The following RPUSD3 variants were observed in gnomAD, a reference collection of about 807,000 sequenced individuals.
RPUSD3 encodes mitochondrial mRNA pseudouridine synthase RPUSD3.
Under a neutral mutation model 35.1 loss-of-function variants are expected in RPUSD3, and 36 were observed. The ratio of observed to expected loss-of-function variants is 1.02; its 90% CI spans 0.79 to 1.35. RPUSD3 has a LOEUF of 1.35. Ranked by LOEUF, RPUSD3 falls within the 40% of genes most tolerant of loss-of-function variation. The probability of loss-of-function intolerance (pLI) is 0.00; values close to 1 mark genes in which losing one functional copy is unlikely to be tolerated. For synonymous variants in RPUSD3, 202 were observed against 187.8 expected, an observed-to-expected ratio of 1.08 and a Z score of -0.62; for missense variants, 486 against 441.9, an observed-to-expected ratio of 1.10 and a Z score of -0.89.
chr3:9,840,389 G>C, intron 6 of RPUSD3, 82 bp from the exon 7 acceptor site: 1 of 1,612,402 alleles, frequency 6.2e-7, no homozygotes, highest in Non-Finnish European at 8.5e-7. Flanking sequence ...AATAGACTCC[G>C]GGCAGGGCCA....
chr3:9,839,886 G>GT (rs113216240), intron 7 of RPUSD3: 16,296 of 189,916 alleles, frequency 0.086, 152 homozygotes, highest in South Asian at 0.15. Context: ...CTCAAGTGCA[G>GT]TTTTTTTTTT....
chr3:9,840,466 C>G, intron 6 of RPUSD3, 66 bp downstream of exon 6: 1 of 1,596,560 alleles, frequency 6.3e-7, no homozygotes, highest in African/African-American at 1.3e-5. Flanking sequence ...AATCCATACC[C>G]CTGACTCCTC....
chr3:9,843,387 G>A, intron 2 of RPUSD3, 78 bp downstream of exon 2: 1 of 1,582,394 alleles, frequency 6.3e-7, no homozygotes, highest in Non-Finnish European at 8.6e-7. Context: ...CTGATCCCGT[G>A]GCTTCAATGG....
exon 8 of RPUSD3, chr3:9,839,129 C>T (rs376526292): frequency 1.4e-5 from 22 of 1,613,974 alleles, no homozygotes; most frequent in African/African-American, 6.7e-5. Flanking sequence ...AAGCACAGGG[C>T]AGAGCTGTAG....
At chr3:9,843,421 A>G (rs375999693) in intron 2 of RPUSD3, 44 bp downstream of exon 2, 1 of 1,608,900 alleles carries the variant, frequency 6.2e-7, no homozygotes, top group South Asian at 1.1e-5. Context: ...ACGCCGAGGC[A>G]GTCCCCTCCC....
chr3:9,839,948 T>C (rs1337064751), intron 7 of RPUSD3: 9 of 437,824 alleles, frequency 2.1e-5, no homozygotes, highest in Non-Finnish European at 3.7e-5. Context: ...TGGCATGATC[T>C]TGGCTCATTG....
chr3:9,841,721 G>A, intron 4 of RPUSD3: 1 of 320,670 alleles, frequency 3.1e-6, no homozygotes, highest in South Asian at 6.0e-5. Flanking sequence ...CTCTTGCCTT[G>A]GCCTCCAGAA....
chr3:9,842,153 G>A (rs371693476), intron 3 of RPUSD3, 46 bp downstream of exon 3: 90 of 1,613,122 alleles, frequency 5.6e-5, no homozygotes, highest in Admixed American at 8.3e-5. Flanking sequence ...CCTCAGTCAC[G>A]AAACCCCCTT....
exon 1 of RPUSD3, chr3:9,843,891 G>T: frequency 6.2e-7 from 1 of 1,603,048 alleles, no homozygotes. Flanking sequence ...CTTAATCACC[G>T]GGCTTCGGTG....
At position 9,840,175 on chromosome 3, in the gene RPUSD3, C is replaced by T; in HGVS notation, c.724+9G>A. ...CAGTTTTAAAGGCTGGCTAGGGTGC[C>T]AGACCTACCTGTCAGTGGCTGCAGC... is the stretch of plus-strand genomic sequence containing the variant. On this transcript the variant is annotated intron_variant, in intron 7 of 8. Coordinates refer to ENST00000383820, the Ensembl canonical transcript of RPUSD3. 1 of 1,610,834 alleles carries T rather than the reference C, an allele frequency of 6.2e-7. No individual in the cohort carries two copies. Among genetic ancestry groups the T allele is most frequent in the Non-Finnish European group, 8.5e-7 (1 of 1,178,490 alleles).
intron 7 of RPUSD3, 21 bp from the exon 8 acceptor site, chr3:9,839,192 G>A (rs1235552065): frequency 1.3e-6 from 2 of 1,594,718 alleles, no homozygotes; most frequent in Non-Finnish European, 1.7e-6. Flanking sequence ...GGAAAGCCAG[G>A]AGAGACAGTG....
chr3:9,839,240 C>A, intron 7 of RPUSD3, 69 bp from the exon 8 acceptor site: 1 of 1,539,630 alleles, frequency 6.5e-7, no homozygotes, highest in Non-Finnish European at 8.8e-7. Flanking sequence ...TATCACTCCT[C>A]CCCTTTTCCT....
chr3:9,841,915 C>G, intron 4 of RPUSD3, 68 bp downstream of exon 4: 1 of 1,290,078 alleles, frequency 7.8e-7, no homozygotes, highest in Non-Finnish European at 1.1e-6. Flanking sequence ...AGCTTATCCC[C>G]AAGCAGCTGT....
chr3:9,838,133 G>A (rs751534141), exon 9 of RPUSD3: 2 of 1,612,412 alleles, frequency 1.2e-6, no homozygotes, highest in East Asian at 2.2e-5. Flanking sequence ...GCCGATGTAG[G>A]TGGAGGTGCA....
Position 9,840,363 on chromosome 3 carries a change from G to C in RPUSD3, c.601-56C>G, listed in dbSNP as rs1349614184. On this transcript the variant is annotated intron_variant, in intron 6 of 8. Transcript: ENST00000383820. ...TACACAGGTCTGGGAGCTATACCCA[G>C]ACCCTCCCTGCTCCCAATAGACTCC... 6 of 1,613,860 alleles carry C rather than the reference G, an allele frequency of 3.7e-6. No homozygotes were observed. The Admixed American group carries it at 8.3e-5, about 22-fold the overall frequency.
chr3:9,843,438 T>G, intron 2 of RPUSD3, 27 bp downstream of exon 2: 1 of 1,612,802 alleles, frequency 6.2e-7, no homozygotes, highest in South Asian at 1.1e-5. Context: ...TCCCGGTCCT[T>G]GTGCGGCCGT....
rs141862498 is a variant in RPUSD3, at chr3:9,842,414, C to T, written c.263-171G>A. 3.6e-3 allele frequency: 2,422 copies of T among 674,374 alleles called. 34 individuals are homozygous for T. The highest frequency in any genetic ancestry group is 0.035 in the African/African-American group (1,958 of 56,258). 41.8% of individuals were successfully genotyped at this position (674,374 alleles called of 1,614,324 possible). A position where few individuals can be genotyped will look rare whatever the true frequency, so the allele number is the denominator to read the frequency against. ...TCAACTTCTTTCTGTTCCTCTGCCA[C>T]CTCAGAGCCTCGGCACTTGCTGTTT... On this transcript the variant is annotated intron_variant, in intron 2 of 8. Transcript: ENST00000383820.
At position 9,843,956 on chromosome 3, in the gene RPUSD3, C is replaced by G. The variant is rs1429742614; in HGVS notation, c.59G>C (p.Ser20Thr). The G allele has an allele frequency of 3.7e-6, 6 of 1,609,152 alleles. No individual in the cohort carries two copies. Among genetic ancestry groups the G allele is most frequent in the African/African-American group, 1.3e-5 (1 of 74,908 alleles). ...GACACCCAGGCCCCGCCGCCAGCCA[C>G]TCCAGAACCGGCCCAAAACACGGCG... The change falls in exon 1 of 9, where the codon AGT (serine) becomes ACT (threonine). Residue 20 changes from serine to threonine, a missense_variant. By Grantham distance (58) the Ser-to-Thr change is moderately conservative (BLOSUM62 1). Transcript: ENST00000383820.
At position 9,839,160 on chromosome 3, in the gene RPUSD3, G is replaced by A; in HGVS notation, c.736C>T (p.Gln246Ter). ...TGTAGTACCATGTGCACCTGTAGTT[G>A]ACTGGAGAACACTGGGCAACAGGAA... The change falls in exon 8 of 9, where the codon CAA (glutamine) becomes TAA (stop). Residue 246 changes from glutamine to a stop codon, truncating the protein, a stop_gained. Coordinates refer to ENST00000383820, the Ensembl canonical transcript of RPUSD3. LOFTEE classifies it high-confidence loss of function. The A allele has an allele frequency of 6.2e-7, 1 of 1,611,538 alleles. No individual in the cohort carries two copies. Among genetic ancestry groups the A allele is most frequent in the Non-Finnish European group, 8.5e-7 (1 of 1,177,992 alleles).
Sources: gnomAD v4.1 joint callset for allele counts on GRCh38, gnomAD v4.1.1 for gene constraint, MANE v1.5 for transcripts, NCBI Gene and HGNC (gene_info 2026-07-23, HGNC 2026-07-21) for gene names.